RAPGEF2: variants seen among roughly 807,000 people sequenced by gnomAD.
RAPGEF2 encodes PDZ domain containing guanine nucleotide exchange factor (GEF) 1.
In RAPGEF2, 54 loss-of-function variants were observed where a neutral mutation model predicts 186.7. That is an observed-to-expected ratio of 0.29 (90% CI 0.23 to 0.36). The LOEUF is 0.36. RAPGEF2 is among the 10% of genes least tolerant of loss of function. The pLI is 1.00. For missense variants in RAPGEF2, 1,532 were observed against 2,045.0 expected, an observed-to-expected ratio of 0.75 and a Z score of 4.84; for synonymous variants, 712 against 705.9, an observed-to-expected ratio of 1.01 and a Z score of -0.14.
At chr4:159,314,802 A>G in intron 9 of RAPGEF2, 34 bp downstream of exon 9, 2 of 1,546,844 alleles carry the variant, frequency 1.3e-6, no homozygotes, top group Non-Finnish European at 1.7e-6. Flanking sequence ...TCTACGAGCA[A>G]TTAAAAAGAT....
At chr4:159,234,891 T>C (rs565017077) in intron 4 of RAPGEF2, among the ~76,000 whole-genome samples, 1 of 152,180 alleles carries the variant, frequency 6.6e-6, no homozygotes, top group South Asian at 2.1e-4. Flanking sequence ...TCCTGAGTAG[T>C]TAGGATTACA....
At chr4:159,198,160 A>T (rs933032499) in intron 3 of RAPGEF2, among the ~76,000 whole-genome samples, 1 of 151,986 alleles carries the variant, frequency 6.6e-6, no homozygotes, top group Non-Finnish European at 1.5e-5. Flanking sequence ...CTAATCTACT[A>T]CTTAGATCAT....
intron 3 of RAPGEF2, among the ~76,000 whole-genome samples, chr4:159,196,642 C>A (rs1748682135): frequency 6.6e-6 from 1 of 152,232 alleles, no homozygotes; most frequent in South Asian, 2.1e-4. Flanking sequence ...GTAACCTGTA[C>A]AGAGTGTTTA....
At chr4:159,149,165 G>A (rs1184513305) in intron 1 of RAPGEF2, among the ~76,000 whole-genome samples, 1 of 152,192 alleles carries the variant, frequency 6.6e-6, no homozygotes, top group East Asian at 1.9e-4. Context: ...AGAAGATAAA[G>A]CTGAAATATT....
intron 4 of RAPGEF2, among the ~76,000 whole-genome samples, chr4:159,236,182 G>A (rs368857357): frequency 1.4e-4 from 21 of 152,116 alleles, no homozygotes; most frequent in Non-Finnish European, 2.8e-4. Context: ...TCTTTGTGAC[G>A]GTTTATGGAA....
intron 1 of RAPGEF2, among the ~76,000 whole-genome samples, chr4:159,136,592 A>G (rs1211086023): frequency 6.6e-6 from 1 of 152,140 alleles, no homozygotes; most frequent in East Asian, 1.9e-4. Flanking sequence ...TGTATAGGTA[A>G]ATGTCTTTAT....
Position 159,346,921 on chromosome 4 carries a change from A to G in RAPGEF2, c.3635A>G (p.Asn1212Ser), listed in dbSNP as rs1730397852. The change falls in exon 25 of 30, where the codon AAC becomes AGC. Residue 1212 changes from asparagine (N) to serine (S), a missense_variant. By Grantham distance (46) the Asn-to-Ser change is conservative. Coordinates refer to ENST00000691494, the MANE Select transcript of RAPGEF2 (RefSeq NM_001394067.2). ...QQQPPPAHKI[N>S]QGLQVPAVSL... Reference sequence around the variant, plus strand: ...CAGCCACCACCAGCACATAAAATCAACCAGGGACTACAGGTTCCCGCCGTG... The same window carrying G: ...CAGCCACCACCAGCACATAAAATCAGCCAGGGACTACAGGTTCCCGCCGTG... 1 of 1,614,192 alleles carries G rather than the reference A, an allele frequency of 6.2e-7. No homozygotes were observed. The highest frequency in any genetic ancestry group is 8.5e-7 in the Non-Finnish European group (1 of 1,180,032).
chr4:159,144,564 T>G (rs1742699316), intron 1 of RAPGEF2, among the ~76,000 whole-genome samples: 1 of 152,242 alleles, frequency 6.6e-6, no homozygotes, highest in Admixed American at 6.5e-5. Flanking sequence ...AGTTTATTTA[T>G]TTTTAATCAT....
intron 17 of RAPGEF2, among the ~76,000 whole-genome samples, chr4:159,337,832 G>T (rs560592248): frequency 3.8e-4 from 52 of 136,520 alleles, no homozygotes; most frequent in Non-Finnish European, 4.0e-4. Flanking sequence ...GGAGCTTGCA[G>T]TGAGCCGAGA....
At chr4:159,339,028 G>T in intron 18 of RAPGEF2, 86 bp from the exon 19 acceptor site, 2 of 1,473,896 alleles carry the variant, frequency 1.4e-6, no homozygotes, top group Admixed American at 2.1e-5. Context: ...TTTTCTTAAG[G>T]AGCTTTTTTC....
Position 159,356,056 on chromosome 4 carries a change from A to G in RAPGEF2, c.4855A>G (p.Thr1619Ala), listed in dbSNP as rs1239855684. ...SSVQQPHGHP[T>A]SSRPVNKPQW... ...CGTACAGCAGCCACATGGGCATCCC[A>G]CCAGCAGCAGGCCTGTGAACAAACC... The change falls in exon 29 of 30, where the codon ACC becomes GCC. Residue 1619 changes from threonine to alanine, a missense_variant. Coordinates refer to ENST00000691494, the MANE Select transcript of RAPGEF2 (RefSeq NM_001394067.2). 38 of 1,614,044 alleles carry G rather than the reference A, an allele frequency of 2.4e-5. No individual in the cohort carries two copies. The highest frequency in any genetic ancestry group is 3.1e-5 in the Non-Finnish European group (37 of 1,180,038).
chr4:159,353,459 TTC>T lies in RAPGEF2; in HGVS notation c.4092-26_4092-25del. On this transcript the variant is annotated intron_variant, in intron 27 of 29. Transcript: ENST00000691494. The surrounding 1 kb of genome is among the most constrained non-coding windows in gnomAD (Gnocchi z 4.3). ...ATTAGTTATCAATCTTGTTTTTTTT[TTC>T]TTTTCCATTTCTTTTAACCACTTAG... The T allele has an allele frequency of 7.1e-7, 1 of 1,413,568 alleles. No individual in the cohort carries two copies. The highest frequency in any genetic ancestry group is 2.7e-5 in the Admixed American group (1 of 37,226). The allele number at this position is 1,413,568 out of a possible 1,614,324, so 87.6% of individuals were successfully genotyped here. A position where few individuals can be genotyped will look rare whatever the true frequency, so the allele number is the denominator to read the frequency against.
intron 2 of RAPGEF2, among the ~76,000 whole-genome samples, chr4:159,189,978 T>C (rs983696061): frequency 1.3e-5 from 2 of 152,166 alleles, no homozygotes; most frequent in Non-Finnish European, 2.9e-5. Context: ...AATGTTACTT[T>C]ATTTAGTATG....
chr4:159,329,814 T>C, intron 11 of RAPGEF2, 44 bp from the exon 12 acceptor site: 1 of 1,557,864 alleles, frequency 6.4e-7, no homozygotes. Context: ...CTAGGTCTTT[T>C]GCAAGCACTT....
At chr4:159,328,467 T>C (rs1256502357) in intron 11 of RAPGEF2, 1 of 152,208 alleles carries the variant, frequency 6.6e-6, no homozygotes, top group East Asian at 1.9e-4. Context: ...AAATGCTGAA[T>C]AGAAAAACTA....
intron 9 of RAPGEF2, among the ~76,000 whole-genome samples, chr4:159,316,435 T>C (rs1328954818): frequency 2.0e-5 from 3 of 152,124 alleles, no homozygotes; most frequent in Admixed American, 6.5e-5. Flanking sequence ...ACAGTACCCA[T>C]TGGTAATTTT....
intron 1 of RAPGEF2, among the ~76,000 whole-genome samples, chr4:159,111,609 C>T (rs1738508851): frequency 6.6e-6 from 1 of 152,168 alleles, no homozygotes; most frequent in Non-Finnish European, 1.5e-5. Flanking sequence ...CTGATAGTAA[C>T]TTTCTTAGAA....
At chr4:159,317,569 C>T (rs957377247) in intron 9 of RAPGEF2, among the ~76,000 whole-genome samples, 5 of 152,092 alleles carry the variant, frequency 3.3e-5, no homozygotes, top group Admixed American at 6.5e-5. Context: ...TCTGATATCG[C>T]GTGTTGATCT....
rs565466029 is a variant in RAPGEF2, at chr4:159,317,608, C to T, written c.853+2840C>T. Among the ~76,000 whole-genome samples the T allele has an allele frequency of 2.0e-5, 3 of 152,310 alleles. No homozygotes were observed. In the East Asian group the frequency reaches 5.8e-4, roughly 29 times the overall value. On this transcript the variant is annotated intron_variant, in intron 9 of 29. Transcript: ENST00000691494. ...TTACAATTTCTAAAAACGGGTTTCA[C>T]TCTCCAATTCCCTGTTCACTTTCTT... is the stretch of plus-strand genomic sequence containing the variant.
Sources: gnomAD v4.1 joint callset for allele counts (sites outside exome capture counted in the v4.1 genomes callset) on GRCh38, gnomAD v4.1.1 for gene constraint, Gnocchi (gnomAD v3.1) non-coding constraint, MANE v1.5 for transcripts, NCBI Gene and HGNC (gene_info 2026-07-23, HGNC 2026-07-21) for gene names.